Variants in NUMB observed in about 807,000 individuals in gnomAD.
NUMB encodes the protein protein numb homolog.
In NUMB, 29 loss-of-function variants were observed where a neutral mutation model predicts 59.7. The ratio of observed to expected loss-of-function variants is 0.49; its 90% CI spans 0.36 to 0.66. The LOEUF is 0.66. Among genes scored for constraint, NUMB ranks in the 30% least tolerant of loss-of-function variants. The pLI is 0.00. For synonymous variants in NUMB, 288 were observed against 288.2 expected (o/e 1.00, Z 0.01); for missense variants, 723 against 822.0 (o/e 0.88, Z 1.47).
intron 6 of NUMB, among the ~76,000 whole-genome samples, chr14:73,313,590 C>T (rs901893812): frequency 6.9e-6 from 1 of 144,784 alleles, no homozygotes; most frequent in Non-Finnish European, 1.5e-5. Flanking sequence ...ATATATAAAA[C>T]ACAAATAACT....
intron 2 of NUMB, among the ~76,000 whole-genome samples, chr14:73,395,438 C>T (rs914532564): frequency 2.0e-5 from 3 of 151,932 alleles, no homozygotes; most frequent in Non-Finnish European, 4.4e-5. Context: ...GCCTGGGCAA[C>T]ATGGCAAAAC....
intron 2 of NUMB, among the ~76,000 whole-genome samples, chr14:73,377,041 A>G (rs899316964): frequency 6.6e-6 from 1 of 152,216 alleles, no homozygotes; most frequent in Non-Finnish European, 1.5e-5. Context: ...GGTAAGAAAA[A>G]GAACTTAGAT....
At chr14:73,377,895 A>C (rs944875328) in intron 2 of NUMB, among the ~76,000 whole-genome samples, 1 of 152,006 alleles carries the variant, frequency 6.6e-6, no homozygotes, top group Non-Finnish European at 1.5e-5. Flanking sequence ...TGAACTCAGG[A>C]GGTGGAGGCT....
At chr14:73,450,172 C>T (rs918390154) in intron 1 of NUMB, among the ~76,000 whole-genome samples, 5 of 152,312 alleles carry the variant, frequency 3.3e-5, no homozygotes, top group Admixed American at 6.5e-5. Flanking sequence ...ATGCTATACA[C>T]TACACAAAAT....
chr14:73,449,634 C>T (rs1377520052), intron 1 of NUMB, among the ~76,000 whole-genome samples: 3 of 152,094 alleles, frequency 2.0e-5, no homozygotes, highest in Non-Finnish European at 4.4e-5. Context: ...GTCTAATACA[C>T]CAAAATAAAC....
intron 3 of NUMB, among the ~76,000 whole-genome samples, chr14:73,359,982 C>T (rs1489815611): frequency 2.0e-5 from 3 of 152,154 alleles, no homozygotes; most frequent in Non-Finnish European, 4.4e-5. Flanking sequence ...ATAACTTTGC[C>T]TCTTACCTGG....
At chr14:73,437,055 TTTTTTTTG>T (rs1898087844) in intron 1 of NUMB, among the ~76,000 whole-genome samples, 1 of 125,168 alleles carries the variant, frequency 8.0e-6, no homozygotes, top group Non-Finnish European at 1.7e-5. Context: ...TTTTTTTTTT[TTTTTTTTG>T]TTGAGACAGG....
chr14:73,334,181 T>C (rs960702136), intron 4 of NUMB, among the ~76,000 whole-genome samples: 2 of 152,090 alleles, frequency 1.3e-5, no homozygotes, highest in Non-Finnish European at 2.9e-5. Context: ...CCTCCCAAAG[T>C]GCTAGGATTA....
At chr14:73,316,334 C>G (rs370406205) in intron 6 of NUMB, 56 bp downstream of exon 6, 2 of 1,468,920 alleles carry the variant, frequency 1.4e-6, no homozygotes, top group Non-Finnish European at 1.9e-6. Context: ...TATGTCAGTG[C>G]TACACTAGGG....
intron 1 of NUMB, among the ~76,000 whole-genome samples, chr14:73,420,802 T>C (rs1897318765): frequency 6.6e-6 from 1 of 151,990 alleles, no homozygotes; most frequent in African/African-American, 2.4e-5. Flanking sequence ...AAATAGACAC[T>C]TGCACCTATA....
intron 2 of NUMB, 48 bp downstream of exon 2, chr14:73,409,889 T>C (rs1034823710): frequency 6.6e-6 from 1 of 152,234 alleles, no homozygotes; most frequent in Non-Finnish European, 1.5e-5. Flanking sequence ...AGAAAGACTG[T>C]TAGCTTTCAA....
At chr14:73,435,060 G>T (rs77041025) in intron 1 of NUMB, among the ~76,000 whole-genome samples, 1 of 152,014 alleles carries the variant, frequency 6.6e-6, no homozygotes, top group East Asian at 1.9e-4. Flanking sequence ...CCAAAAAAAA[G>T]TAAGTGTGCA....
At chr14:73,379,325 C>G (rs1488955759) in intron 2 of NUMB, among the ~76,000 whole-genome samples, 1 of 151,996 alleles carries the variant, frequency 6.6e-6, no homozygotes, top group East Asian at 1.9e-4. Context: ...ATTACTTGAA[C>G]CAGAAAACAT....
intron 1 of NUMB, among the ~76,000 whole-genome samples, chr14:73,418,541 G>A (rs560150474): frequency 6.6e-6 from 1 of 152,092 alleles, no homozygotes; most frequent in South Asian, 2.1e-4. Flanking sequence ...GGAGGCACAG[G>A]CAGGTAGATC....
chr14:73,428,910 G>GT (rs1566793149), intron 1 of NUMB, among the ~76,000 whole-genome samples: 1 of 152,140 alleles, frequency 6.6e-6, no homozygotes, highest in African/African-American at 2.4e-5. Context: ...TTGGAGAGGT[G>GT]TAATTTATAT....
At chr14:73,446,583 C>T (rs918079391) in intron 1 of NUMB, among the ~76,000 whole-genome samples, 7 of 146,344 alleles carry the variant, frequency 4.8e-5, no homozygotes, top group East Asian at 2.0e-4. Context: ...CCAGCCTGGG[C>T]GACAGAGTGC....
intron 9 of NUMB, 43 bp from the exon 10 acceptor site, chr14:73,284,417 A>G: frequency 6.5e-7 from 1 of 1,538,734 alleles, no homozygotes; most frequent in Non-Finnish European, 8.8e-7. Context: ...AATGTCTTCA[A>G]ATAATTTGCG....
In NUMB at chr14:73,287,268, A is replaced by C. The variant is rs1367396933; in HGVS notation, c.497T>G (p.Leu166Ter). ...CTTCTCCCGCTTCTGCTTGCGCTCT[A>C]AACAGGCTGCAAAAGCACAGCCTAC... is the stretch of plus-strand genomic sequence containing the variant. ...HAVGCAFAAC[L>*]ERKQKREKEC... The change falls in exon 9 of 13, where the codon TTA (leucine) becomes TGA (stop). Residue 166 changes from leucine (L) to a stop codon, truncating the protein, a stop_gained. Transcript: ENST00000555238. LOFTEE classifies it high-confidence loss of function. 1 of 1,613,642 alleles carries C rather than the reference A, an allele frequency of 6.2e-7. No homozygotes were observed. The highest frequency in any genetic ancestry group is 8.5e-7 in the Non-Finnish European group (1 of 1,179,970).
chr14:73,299,623 A>ATATGACATATATATGTCATATC (rs1236571176), intron 6 of NUMB, among the ~76,000 whole-genome samples: 28 of 151,260 alleles, frequency 1.9e-4, no homozygotes, highest in Non-Finnish European at 3.2e-4. Flanking sequence ...TATGTCATAT[A>ATATGACATATATATGTCATATC]ATATGACATA....
Sources: gnomAD v4.1 joint callset for allele counts (sites outside exome capture counted in the v4.1 genomes callset) on GRCh38, gnomAD v4.1.1 for gene constraint, MANE v1.5 for transcripts, NCBI Gene and HGNC (gene_info 2026-07-23, HGNC 2026-07-21) for gene names.